PHLPP1: variants seen among roughly 807,000 people sequenced by gnomAD.
PHLPP1 encodes PH domain and leucine rich repeat protein phosphatase 1.
A neutral mutation model predicts 117.2 loss-of-function variants in PHLPP1; 42 were observed. The observed-to-expected ratio is 0.36, with a 90% CI of 0.28 to 0.46. The LOEUF (loss-of-function observed/expected upper bound fraction) is 0.46, where lower values mean the gene tolerates loss of function less well. Among genes scored for constraint, PHLPP1 ranks in the 20% least tolerant of loss-of-function variants. The probability of loss-of-function intolerance (pLI) is 1.00; values close to 1 mark genes in which losing one functional copy is unlikely to be tolerated. For missense variants in PHLPP1, 2,084 were observed against 2,241.9 expected (o/e 0.93, Z 1.42); for synonymous variants, 1,042 against 970.7 (o/e 1.07, Z -1.37).
intron 1 of PHLPP1, among the ~76,000 whole-genome samples, chr18:62,718,838 C>G (rs1280963623): frequency 6.6e-6 from 1 of 152,134 alleles, no homozygotes; most frequent in Non-Finnish European, 1.5e-5. Context: ...AAAGAGTTTG[C>G]TTATGATTGG....
In PHLPP1 at chr18:62,757,182, C is replaced by T. The variant is rs914838976; in HGVS notation, c.1576+39923C>T. On this transcript the variant is annotated intron_variant, in intron 1 of 16. Transcript: ENST00000262719. Reference sequence around the variant, plus strand: ...TATACTTTACAGGAAGACAAGGCCTCAATACATAATCTCTTATTAGTTTAT... The same window carrying T: ...TATACTTTACAGGAAGACAAGGCCTTAATACATAATCTCTTATTAGTTTAT... Among the ~76,000 whole-genome samples, 4 of 152,206 alleles carry T rather than the reference C, an allele frequency of 2.6e-5. No homozygotes were observed. In the South Asian group the frequency reaches 8.3e-4, roughly 32 times the overall value.
At chr18:62,717,562 A>G (rs1166611571) in intron 1 of PHLPP1, among the ~76,000 whole-genome samples, 1 of 152,112 alleles carries the variant, frequency 6.6e-6, no homozygotes, top group African/African-American at 2.4e-5. Flanking sequence ...TTTAACCATA[A>G]AGGTGCTTCC....
intron 1 of PHLPP1, among the ~76,000 whole-genome samples, chr18:62,772,060 T>G (rs1033057254): frequency 6.6e-6 from 1 of 152,228 alleles, no homozygotes; most frequent in Non-Finnish European, 1.5e-5. Flanking sequence ...CATCTGTCTC[T>G]TTGCATTCAT....
chr18:62,963,313 A>G (rs1238618680), intron 13 of PHLPP1, 55 bp from the exon 14 acceptor site: 10 of 1,178,160 alleles, frequency 8.5e-6, no homozygotes, highest in Non-Finnish European at 1.3e-5. Context: ...AAAGGTAGCA[A>G]TTTGCACACA....
Position 62,716,645 on chromosome 18 carries a change from C to G in PHLPP1, c.962C>G (p.Ser321Trp), listed in dbSNP as rs1250167956. Reference sequence around the variant, plus strand: ...TCGCGCCGCGCCAGCCCAGCGCCCTCGGACTCCAGCCCCGGCGAGCCGTTC... The same window carrying G: ...TCGCGCCGCGCCAGCCCAGCGCCCTGGGACTCCAGCCCCGGCGAGCCGTTC... ...GWSRRASPAP[S>W]DSSPGEPFVG... is the part of the protein sequence containing the mutation. The change falls in exon 1 of 17, where the codon TCG (serine) becomes TGG (tryptophan). Residue 321 changes from serine (S) to tryptophan (W), a missense_variant. Coordinates refer to ENST00000262719, the MANE Select transcript of PHLPP1 (RefSeq NM_194449.4). The surrounding 1 kb of genome is among the most constrained non-coding windows in gnomAD (Gnocchi z 5.7). 2.8e-6 allele frequency: 4 copies of G among 1,407,990 alleles called. No individual in the cohort carries two copies. The highest frequency in any genetic ancestry group is 3.7e-6 in the Non-Finnish European group (4 of 1,083,210). 87.2% of individuals were successfully genotyped at this position (1,407,990 alleles called of 1,614,324 possible).
intron 4 of PHLPP1, among the ~76,000 whole-genome samples, chr18:62,889,015 T>C (rs1216379605): frequency 1.3e-5 from 2 of 152,248 alleles, no homozygotes; most frequent in African/African-American, 2.4e-5. Context: ...TATTTGGATC[T>C]GCAAATGTCC....
intron 10 of PHLPP1, among the ~76,000 whole-genome samples, chr18:62,933,163 A>T (rs1254800535): frequency 6.6e-6 from 1 of 152,240 alleles, no homozygotes; most frequent in Non-Finnish European, 1.5e-5. Flanking sequence ...TGGAAGAATC[A>T]GTATCATTTA....
chr18:62,873,157 T>C (rs1180540198), intron 4 of PHLPP1, among the ~76,000 whole-genome samples: 2 of 152,138 alleles, frequency 1.3e-5, no homozygotes, highest in Non-Finnish European at 2.9e-5. Flanking sequence ...TTTATGGTGA[T>C]ATCCTGCCAT....
At chr18:62,873,336 AC>A (rs958851582) in intron 4 of PHLPP1, among the ~76,000 whole-genome samples, 2 of 152,242 alleles carry the variant, frequency 1.3e-5, no homozygotes, top group African/African-American at 4.8e-5. Context: ...ACTTATACCA[AC>A]CAGTTTAAGA....
chr18:62,776,888 G>A (rs111383693), intron 1 of PHLPP1, among the ~76,000 whole-genome samples: 2 of 152,292 alleles, frequency 1.3e-5, no homozygotes, highest in African/African-American at 2.4e-5. Context: ...GATTACAGGC[G>A]TGAGCCACCA....
At chr18:62,784,747 A>G (rs1913227956) in intron 1 of PHLPP1, among the ~76,000 whole-genome samples, 1 of 152,256 alleles carries the variant, frequency 6.6e-6, no homozygotes, top group African/African-American at 2.4e-5. Flanking sequence ...AGCACAAGCT[A>G]GTTTCACTGA....
At chr18:62,717,341 C>T (rs185600709) in intron 1 of PHLPP1, 82 bp downstream of exon 1, 1 of 1,504,094 alleles carries the variant, frequency 6.6e-7, no homozygotes, top group South Asian at 1.4e-5. Context: ...GTCAGTTTGC[C>T]CAACCCAAGA....
chr18:62,905,992 A>G (rs933610553), intron 8 of PHLPP1, among the ~76,000 whole-genome samples: 5 of 151,910 alleles, frequency 3.3e-5, no homozygotes, highest in African/African-American at 1.2e-4. Flanking sequence ...GAATTTTAAA[A>G]TTGCAACTCA....
intron 3 of PHLPP1, among the ~76,000 whole-genome samples, chr18:62,849,824 A>ATATATATATATATATATATATAT (rs1450269021): frequency 6.7e-5 from 3 of 44,780 alleles, no homozygotes; most frequent in African/African-American, 9.4e-5. Context: ...AAAAAAAAAA[A>ATATATATATATATATATATATAT]AAAAAAAAAT....
At chr18:62,956,159 T>G (rs748802967) in intron 12 of PHLPP1, among the ~76,000 whole-genome samples, 16 of 152,246 alleles carry the variant, frequency 1.1e-4, no homozygotes, top group Non-Finnish European at 2.2e-4. Flanking sequence ...GCATTCAGGC[T>G]GCTATAACAA....
At chr18:62,855,632 C>T (rs1366634375) in intron 3 of PHLPP1, among the ~76,000 whole-genome samples, 1 of 152,216 alleles carries the variant, frequency 6.6e-6, no homozygotes, top group African/African-American at 2.4e-5. Context: ...ATAGCTCACA[C>T]AGGACTGCCC....
At chr18:62,788,566 T>G (rs546162170) in intron 1 of PHLPP1, among the ~76,000 whole-genome samples, 4 of 129,690 alleles carry the variant, frequency 3.1e-5, no homozygotes, top group South Asian at 4.8e-4. Context: ...GGTTTTTTTG[T>G]TTTTTTTTGT....
intron 4 of PHLPP1, among the ~76,000 whole-genome samples, chr18:62,865,597 C>A (rs1915751800): frequency 6.6e-6 from 1 of 152,146 alleles, no homozygotes; most frequent in African/African-American, 2.4e-5. Flanking sequence ...TGTCTTAGAA[C>A]AGAATGGTGC....
chr18:62,970,581 A>C (rs1221669836), intron 14 of PHLPP1, among the ~76,000 whole-genome samples: 1 of 152,108 alleles, frequency 6.6e-6, no homozygotes, highest in Non-Finnish European at 1.5e-5. Context: ...CCTGGCCAAG[A>C]TGGTGAAATG....
Sources: gnomAD v4.1 joint callset for allele counts (sites outside exome capture counted in the v4.1 genomes callset) on GRCh38, gnomAD v4.1.1 for gene constraint, Gnocchi (gnomAD v3.1) non-coding constraint, MANE v1.5 for transcripts, NCBI Gene and HGNC (gene_info 2026-07-23, HGNC 2026-07-21) for gene names.